The following COP1 variants were observed in gnomAD, a reference collection of about 807,000 sequenced individuals.
COP1 encodes COP1 E3 ubiquitin ligase.
Under a neutral mutation model 101.3 loss-of-function variants are expected in COP1, and 24 were observed. That is an observed-to-expected ratio of 0.24 (90% confidence interval 0.17 to 0.33). The LOEUF is 0.33. Among genes scored for constraint, COP1 ranks in the 10% least tolerant of loss-of-function variants. The pLI is 1.00. For missense variants in COP1, 663 were observed against 906.2 expected, an observed-to-expected ratio of 0.73 and a Z score of 3.45; for synonymous variants, 347 against 341.9, an observed-to-expected ratio of 1.01 and a Z score of -0.17.
chr1:176,115,485 A>T (rs1485178982), intron 9 of COP1, among the ~76,000 whole-genome samples: 2 of 151,914 alleles, frequency 1.3e-5, no homozygotes, highest in African/African-American at 4.8e-5. Flanking sequence ...ACGCTGGCTC[A>T]CGCCTGTAAT....
At chr1:176,027,721 A>G (rs745376343) in intron 14 of COP1, 33 bp from the exon 15 acceptor site, 1 of 1,285,202 alleles carries the variant, frequency 7.8e-7, no homozygotes, top group South Asian at 1.2e-5. Flanking sequence ...ACAAAAAGAG[A>G]AACAAGTAAT....
intron 1 of COP1, among the ~76,000 whole-genome samples, chr1:176,199,547 T>C (rs556271154): frequency 1.3e-5 from 2 of 152,202 alleles, no homozygotes; most frequent in Non-Finnish European, 2.9e-5. Flanking sequence ...CTAGCAAATA[T>C]ATAAGCAGTT....
At chr1:175,992,689 G>T (rs557828342) in intron 15 of COP1, among the ~76,000 whole-genome samples, 1 of 152,334 alleles carries the variant, frequency 6.6e-6, no homozygotes, top group African/African-American at 2.4e-5. Context: ...CAGCGAGGCT[G>T]GGGGAGGGGC....
Position 176,207,017 on chromosome 1 carries a change from G to T in COP1, c.-39C>A. 1 of 1,360,422 alleles carries T rather than the reference G, an allele frequency of 7.4e-7. No homozygotes were observed. Among genetic ancestry groups the T allele is most frequent in the South Asian group, 1.7e-5 (1 of 60,154 alleles). 84.3% of individuals were successfully genotyped at this position (1,360,422 alleles called of 1,614,324 possible). On this transcript the variant is annotated 5_prime_UTR_variant, in exon 1 of 20. Transcript: ENST00000367669. ...CCTCCAGCCGGGCGCTCGGAGGAGA[G>T]GGACCGCGACCTCGACCCTCCGCCG...
intron 11 of COP1, among the ~76,000 whole-genome samples, chr1:176,053,107 C>T (rs1422423245): frequency 6.6e-6 from 1 of 152,128 alleles, no homozygotes; most frequent in Non-Finnish European, 1.5e-5. Flanking sequence ...AATATGTGCA[C>T]TTTTCTATTA....
At chr1:176,011,679 C>T (rs912380187) in intron 15 of COP1, among the ~76,000 whole-genome samples, 7 of 152,096 alleles carry the variant, frequency 4.6e-5, no homozygotes, top group African/African-American at 1.7e-4. Flanking sequence ...ATATAACACA[C>T]ATAGACATTT....
chr1:176,022,605 T>C (rs1399950100), intron 15 of COP1, among the ~76,000 whole-genome samples: 1 of 152,188 alleles, frequency 6.6e-6, no homozygotes, highest in Non-Finnish European at 1.5e-5. Context: ...TGACTGAATA[T>C]CGGTCAGTTT....
At chr1:175,951,038 G>A (rs1377731469) in intron 18 of COP1, among the ~76,000 whole-genome samples, 1 of 152,110 alleles carries the variant, frequency 6.6e-6, no homozygotes, top group Non-Finnish European at 1.5e-5. Flanking sequence ...CTGAGGTCGG[G>A]AGTTTGAGAC....
chr1:175,988,527 A>T, intron 16 of COP1, 115 bp from the exon 17 acceptor site: 2 of 1,008,012 alleles, frequency 2.0e-6, no homozygotes, highest in East Asian at 5.0e-5. Flanking sequence ...CTGGAGCCAG[A>T]CTGAGTTAGC....
chr1:176,049,285 T>C (rs1046445407), intron 11 of COP1, among the ~76,000 whole-genome samples: 4 of 152,082 alleles, frequency 2.6e-5, no homozygotes, highest in African/African-American at 4.8e-5. Context: ...CTCTTTTTTC[T>C]ACATGTTATT....
At chr1:176,166,032 C>T (rs1203973439) in intron 3 of COP1, among the ~76,000 whole-genome samples, 2 of 152,078 alleles carry the variant, frequency 1.3e-5, no homozygotes, top group Admixed American at 6.5e-5. Flanking sequence ...ATCTTATATA[C>T]CATTATATTT....
chr1:176,141,448 G>A (rs1345923098), intron 6 of COP1, among the ~76,000 whole-genome samples: 4 of 152,044 alleles, frequency 2.6e-5, no homozygotes, highest in Non-Finnish European at 4.4e-5. Context: ...TTGCAGTGAG[G>A]CGAGATAGTG....
chr1:175,964,853 C>T (rs187130411), intron 18 of COP1, among the ~76,000 whole-genome samples: 6 of 152,318 alleles, frequency 3.9e-5, no homozygotes, highest in Admixed American at 2.6e-4. Flanking sequence ...AAAAAACTCA[C>T]AATCTATACT....
At chr1:176,173,911 T>C (rs939097891) in intron 3 of COP1, among the ~76,000 whole-genome samples, 38 of 132,050 alleles carry the variant, frequency 2.9e-4, no homozygotes, top group African/African-American at 1.0e-3. Context: ...TCCTTGAACC[T>C]GGGAGGCGGA....
chr1:176,108,035 T>A (rs1291729273), intron 9 of COP1, among the ~76,000 whole-genome samples: 1 of 2,648 alleles, frequency 3.8e-4, no homozygotes. Flanking sequence ...TGGACCAGAT[T>A]TTTTTTTTTT....
chr1:176,111,092 C>T (rs1303080777), intron 9 of COP1, among the ~76,000 whole-genome samples: 1 of 152,034 alleles, frequency 6.6e-6, no homozygotes, highest in Non-Finnish European at 1.5e-5. Flanking sequence ...GCGGAGGTTG[C>T]AGTAAGCTGA....
rs557963871 is a variant in COP1, at chr1:176,042,111, C to CA, written c.1612+1074dup. Among the ~76,000 whole-genome samples, 399 of 146,592 alleles carry CA rather than the reference C, an allele frequency of 2.7e-3. 3 individuals carry two copies. The highest frequency in any genetic ancestry group is 9.3e-3 in the African/African-American group (372 of 39,940). ...TGGGCAGCAGAGCGAGATTACGTCT[C>CA]AAAAAAAAAATTAGCCGAGTGTGGC... On this transcript the variant is annotated intron_variant, in intron 14 of 19. Transcript: ENST00000367669.
At chr1:176,086,264 C>A (rs1325166307) in intron 9 of COP1, among the ~76,000 whole-genome samples, 2 of 131,714 alleles carry the variant, frequency 1.5e-5, no homozygotes, top group African/African-American at 2.9e-5. Context: ...CTCACTCTGT[C>A]GCCCAGGCTG....
chr1:176,028,763 A>C (rs1475581257), intron 14 of COP1, among the ~76,000 whole-genome samples: 1 of 120,822 alleles, frequency 8.3e-6, no homozygotes, highest in Non-Finnish European at 1.7e-5. Context: ...TATTATTATT[A>C]TTTTTGAGAC....
Sources: allele counts gnomAD v4.1 joint callset (sites outside exome capture counted in the v4.1 genomes callset), GRCh38; gene constraint gnomAD v4.1.1; transcripts MANE v1.5; gene names NCBI Gene and HGNC (gene_info 2026-07-23, HGNC 2026-07-21).